Variants in ECT2 observed in about 807,000 individuals in gnomAD.
The protein encoded by ECT2 is epithelial cell transforming 2, also known as protein ECT2.
A neutral mutation model predicts 116.9 loss-of-function variants in ECT2; 61 were observed. The observed-to-expected ratio is 0.52, with a 90% confidence interval of 0.42 to 0.65. The LOEUF (loss-of-function observed/expected upper bound fraction) is 0.65. Among genes scored for constraint, ECT2 ranks in the 30% least tolerant of loss-of-function variants. ECT2 has a pLI of 0.00. For missense variants in ECT2, 937 were observed against 1,078.7 expected (o/e 0.87, Z 1.84); for synonymous variants, 358 against 346.4 (o/e 1.03, Z -0.37).
intron 12 of ECT2, among the ~76,000 whole-genome samples, chr3:172,765,250 T>C (rs1473819795): frequency 6.6e-6 from 1 of 152,222 alleles, no homozygotes; most frequent in Non-Finnish European, 1.5e-5. Context: ...CAATTTTTTT[T>C]CTTTGCTTCT....
chr3:172,794,872 A>T (rs905854553), intron 18 of ECT2, among the ~76,000 whole-genome samples: 2 of 151,486 alleles, frequency 1.3e-5, no homozygotes, highest in Non-Finnish European at 2.9e-5. Flanking sequence ...GCACCATCAC[A>T]CCTGGCTAAT....
Position 172,764,329 on chromosome 3 carries a change from C to T in ECT2, c.1120C>T (p.Pro374Ser). The change falls in exon 12 of 25, where the codon CCT (proline) becomes TCT (serine). Residue 374 changes from proline (P) to serine (S), a missense_variant. Transcript: ENST00000392692. ...AGTGTCAATGCTTTCTCTAAATACC[C>T]CTAACAGCAATCGCAAACGACGTCG... Reference protein sequence around the residue: ...KSVSMLSLNTPNSNRKRRRLK... With the variant: ...KSVSMLSLNTSNSNRKRRRLK... 6.2e-7 allele frequency: 1 copy of T among 1,614,058 alleles called. No individual in the cohort carries two copies. Among genetic ancestry groups the T allele is most frequent in the Non-Finnish European group, 8.5e-7 (1 of 1,179,982 alleles).
intron 20 of ECT2, among the ~76,000 whole-genome samples, chr3:172,804,776 C>T (rs541449328): frequency 3.4e-4 from 52 of 152,100 alleles, no homozygotes; most frequent in Non-Finnish European, 5.9e-4. Context: ...CCAGATTCCT[C>T]GCAGTCTTCT....
chr3:172,802,401 C>T (rs1459361006), intron 18 of ECT2, among the ~76,000 whole-genome samples: 2 of 152,180 alleles, frequency 1.3e-5, no homozygotes, highest in Non-Finnish European at 2.9e-5. Flanking sequence ...GCGCAAGTCA[C>T]CGCACCTGGC....
intron 22 of ECT2, among the ~76,000 whole-genome samples, chr3:172,809,561 GTA>G: frequency 9.0e-6 from 1 of 111,160 alleles, no homozygotes; most frequent in African/African-American, 3.1e-5. Flanking sequence ...TAATGTGTGT[GTA>G]TATCTACACA....
rs182327078 is a variant in ECT2, at chr3:172,768,100, T to C, written c.1292-907T>C. Among the ~76,000 whole-genome samples the C allele has an allele frequency of 4.3e-4, 65 of 152,294 alleles. No homozygotes were observed. The Middle Eastern group carries it at 0.02, about 48-fold the overall frequency. ...GCATCCTCCTTCCACTCTGTACTGG[T>C]TGTTTTATATTACGTTAAGACAGTT... On this transcript the variant is annotated intron_variant, in intron 12 of 24. Coordinates refer to ENST00000392692, the MANE Select transcript of ECT2 (RefSeq NM_001258315.2).
chr3:172,804,965 A>G (rs527600368), intron 20 of ECT2, among the ~76,000 whole-genome samples: 7 of 152,162 alleles, frequency 4.6e-5, no homozygotes, highest in South Asian at 4.1e-4. Context: ...TATTTATAAC[A>G]TTAAATTTGG....
downstream of ECT2, among the ~76,000 whole-genome samples, chr3:172,825,423 T>G (rs577099322): frequency 3.9e-5 from 6 of 152,222 alleles, no homozygotes; most frequent in East Asian, 5.8e-4. Flanking sequence ...AAAACAGAGA[T>G]AGACTGAAAG....
intron 18 of ECT2, among the ~76,000 whole-genome samples, chr3:172,802,094 G>GTTTTGTTTTTGT (rs370602646): frequency 0.029 from 4,471 of 151,570 alleles, 148 homozygotes; most frequent in East Asian, 0.15. Flanking sequence ...GTCTATGGAT[G>GTTTTGTTTTTGT]TTTTGTTTTT....
chr3:172,758,737 A>T (rs1330457635), intron 5 of ECT2, among the ~76,000 whole-genome samples: 4 of 152,224 alleles, frequency 2.6e-5, no homozygotes, highest in African/African-American at 7.2e-5. Flanking sequence ...ATTTGCTGAG[A>T]GTAAAGTGTG....
chr3:172,759,299 C>T (rs1394842531), intron 6 of ECT2, among the ~76,000 whole-genome samples: 1 of 152,110 alleles, frequency 6.6e-6, no homozygotes, highest in Non-Finnish European at 1.5e-5. Flanking sequence ...GATTTCATAG[C>T]AATTCTGTTT....
intron 1 of ECT2, 178 bp downstream of exon 1, chr3:172,751,035 C>G (rs1278858543): frequency 2.0e-5 from 3 of 152,426 alleles, no homozygotes; most frequent in Non-Finnish European, 4.4e-5. Context: ...CAGCCGGGCC[C>G]TGACGCGGAG....
intron 8 of ECT2, 133 bp from the exon 9 acceptor site, chr3:172,762,283 G>C: frequency 1.0e-6 from 1 of 960,252 alleles, no homozygotes; most frequent in Non-Finnish European, 1.5e-6. Context: ...GAGCATTTCA[G>C]GACCAAATAT....
At chr3:172,817,664 A>C (rs1729986270) in intron 24 of ECT2, among the ~76,000 whole-genome samples, 1 of 152,142 alleles carries the variant, frequency 6.6e-6, no homozygotes, top group East Asian at 1.9e-4. Flanking sequence ...CAACAGTTTC[A>C]GAATTATTAT....
Position 172,759,668 on chromosome 3 carries a change from TCTC to T in ECT2, c.577-485_577-483del, listed in dbSNP as rs561159252. 1.2e-3 allele frequency among the ~76,000 whole-genome samples: 178 copies of T among 152,172 alleles called. 2 individuals carry two copies. Among genetic ancestry groups the T allele is most frequent in the African/African-American group, 4.1e-3 (171 of 41,522 alleles). On this transcript the variant is annotated intron_variant, in intron 6 of 24. Coordinates refer to ENST00000392692, the MANE Select transcript of ECT2 (RefSeq NM_001258315.2). Reference sequence around the variant, plus strand: ...ACCGTGTTAGCCAGGATGGTCTTGATCTCCTGACCTCGTGATCCGCTTGCCTCG... The same window carrying T: ...ACCGTGTTAGCCAGGATGGTCTTGATCTGACCTCGTGATCCGCTTGCCTCG...
intron 21 of ECT2, chr3:172,806,244 TTC>T (rs1158075783): frequency 3.7e-5 from 6 of 161,076 alleles, no homozygotes; most frequent in Non-Finnish European, 6.9e-5. Context: ...TCTTAACACT[TTC>T]ACTGTTGGCC....
intron 18 of ECT2, among the ~76,000 whole-genome samples, chr3:172,795,890 A>G (rs1168430494): frequency 1.3e-5 from 2 of 152,164 alleles, no homozygotes; most frequent in African/African-American, 4.8e-5. Context: ...GACTAAATAT[A>G]CTTAGATCTG....
At position 172,815,607 on chromosome 3, in the gene ECT2, A is replaced by G; in HGVS notation, c.2404A>G (p.Asn802Asp). Residue 802 changes from asparagine (N) to aspartate (D), a missense_variant, in exon 23 of 25, where the codon AAT (asparagine) becomes GAT (aspartate). Physicochemically the swap from Asn to Asp is conservative, Grantham distance 23. Transcript: ENST00000392692. ...AAAAAGTATTATTTTTCAATAGGAG[A>G]ATCTTATTTATACTGCTGATCCAGA... ...ANTICKADAE[N>D]LIYTADPESF... 1 of 1,552,086 alleles carries G rather than the reference A, an allele frequency of 6.4e-7. No homozygotes were observed. The highest frequency in any genetic ancestry group is 8.8e-7 in the Non-Finnish European group (1 of 1,142,256).
intron 22 of ECT2, among the ~76,000 whole-genome samples, chr3:172,812,675 A>G (rs1025504019): frequency 6.6e-6 from 1 of 152,172 alleles, no homozygotes; most frequent in African/African-American, 2.4e-5. Context: ...ACATCGTATA[A>G]TGACCAAATC....
Sources: gnomAD v4.1 joint callset for allele counts (sites outside exome capture counted in the v4.1 genomes callset) on GRCh38, gnomAD v4.1.1 for gene constraint, MANE v1.5 for transcripts, NCBI Gene and HGNC (gene_info 2026-07-23, HGNC 2026-07-21) for gene names.